The following RABGEF1 variants were observed in gnomAD, a reference collection of about 807,000 sequenced individuals.
RABGEF1 encodes RAB guanine nucleotide exchange factor 1.
In RABGEF1, 26 loss-of-function variants were observed where a neutral mutation model predicts 57.3. The ratio of observed to expected loss-of-function variants is 0.45; its 90% CI spans 0.33 to 0.63. The LOEUF (loss-of-function observed/expected upper bound fraction) is 0.63, where lower values mean the gene tolerates loss of function less well. Among genes scored for constraint, RABGEF1 ranks in the 20% least tolerant of loss-of-function variants. The pLI, the probability that RABGEF1 is intolerant of heterozygous loss-of-function variation, is 0.02. For missense variants in RABGEF1, 464 were observed against 607.6 expected (o/e 0.76, Z 2.48); for synonymous variants, 185 against 210.7 (o/e 0.88, Z 1.06).
At chr7:66,710,750 A>G (rs1041160128) in intron 1 of RABGEF1, among the ~76,000 whole-genome samples, 6 of 152,170 alleles carry the variant, frequency 3.9e-5, no homozygotes, top group Non-Finnish European at 7.4e-5. Flanking sequence ...GTTGAGTTTT[A>G]ATAATTCTTT....
chr7:66,771,257 G>T (rs1807052379), intron 1 of RABGEF1, among the ~76,000 whole-genome samples: 3 of 152,072 alleles, frequency 2.0e-5, no homozygotes, highest in Non-Finnish European at 4.4e-5. Flanking sequence ...TCCTGCCTCA[G>T]CCTCCTGAAT....
At chr7:66,758,711 G>T (rs765147836) in intron 1 of RABGEF1, among the ~76,000 whole-genome samples, 1 of 152,176 alleles carries the variant, frequency 6.6e-6, no homozygotes, top group African/African-American at 2.4e-5. Context: ...TACCGTAACA[G>T]CTGTCACCAC....
At chr7:66,676,776 T>A in the RABGEF1 span, among the ~76,000 whole-genome samples, 1 of 152,228 alleles carries the variant, frequency 6.6e-6, no homozygotes, top group Non-Finnish European at 1.5e-5. Flanking sequence ...ATGGAGGGGG[T>A]TCTCACTATG....
intron 7 of RABGEF1, among the ~76,000 whole-genome samples, chr7:66,800,916 C>T (rs1388250831): frequency 6.6e-6 from 1 of 152,166 alleles, no homozygotes; most frequent in African/African-American, 2.4e-5. Flanking sequence ...TAGCTGTGTT[C>T]CATGAATAGT....
At chr7:66,692,686 G>A (rs1382236498) in intron 1 of RABGEF1, among the ~76,000 whole-genome samples, 3 of 84,528 alleles carry the variant, frequency 3.5e-5, no homozygotes, top group Admixed American at 1.3e-4. Flanking sequence ...TTCCCCACCC[G>A]CCTCCCACCT....
the RABGEF1 span, among the ~76,000 whole-genome samples, chr7:66,662,267 G>T: frequency 6.6e-6 from 1 of 150,734 alleles, no homozygotes. Context: ...TTGAGTTCAA[G>T]ACCAGCCTGT....
chr7:66,671,912 G>A, the RABGEF1 span, among the ~76,000 whole-genome samples: 2 of 151,242 alleles, frequency 1.3e-5, no homozygotes, highest in East Asian at 3.9e-4. Context: ...GACCTCCGAG[G>A]TGCAAGCAAT....
the RABGEF1 span, among the ~76,000 whole-genome samples, chr7:66,659,444 T>TC: frequency 7.2e-6 from 1 of 138,224 alleles, no homozygotes; most frequent in Non-Finnish European, 1.5e-5. Flanking sequence ...AGAGTGAGAC[T>TC]CCATCTCAAA....
intron 1 of RABGEF1, among the ~76,000 whole-genome samples, chr7:66,702,347 TTGTGTGTGTGTG>T (rs58655312): frequency 3.1e-4 from 45 of 143,926 alleles, no homozygotes; most frequent in Admixed American, 4.2e-4. Flanking sequence ...ATTGTTTTGT[TTGTGTGTGTGTG>T]TGTGTGTGTG....
chr7:66,758,824 G>A (rs966997295), intron 1 of RABGEF1, among the ~76,000 whole-genome samples: 4 of 152,110 alleles, frequency 2.6e-5, no homozygotes, highest in African/African-American at 7.2e-5. Context: ...TGTTTAACTG[G>A]TACACATTAG....
chr7:66,717,524 G>A (rs2117466289), intron 2 of RABGEF1, among the ~76,000 whole-genome samples: 1 of 151,944 alleles, frequency 6.6e-6, no homozygotes, highest in East Asian at 2.0e-4. Context: ...TTGGGAGGCC[G>A]AGGCAGTGGA....
chr7:66,795,732 G>A, intron 5 of RABGEF1, 140 bp downstream of exon 5: 1 of 773,888 alleles, frequency 1.3e-6, no homozygotes, highest in Non-Finnish European at 2.2e-6. Context: ...CTGGGAACTG[G>A]TCTTATACTT....
upstream of RABGEF1, chr7:66,739,731 T>C (rs1798526631): frequency 1.3e-5 from 2 of 151,522 alleles, no homozygotes; most frequent in African/African-American, 4.9e-5. Flanking sequence ...CAGCGACAAT[T>C]AGCAAAGCTG....
the RABGEF1 span, among the ~76,000 whole-genome samples, chr7:66,661,067 T>G: frequency 6.6e-6 from 1 of 152,008 alleles, no homozygotes; most frequent in Non-Finnish European, 1.5e-5. Flanking sequence ...CCCAGCACTT[T>G]GGGAGGCCAA....
chr7:66,727,275 A>T (rs1408656511), intron 2 of RABGEF1, among the ~76,000 whole-genome samples: 1 of 152,176 alleles, frequency 6.6e-6, no homozygotes, highest in East Asian at 1.9e-4. Context: ...TTGCCAGTGG[A>T]GCTGGCCCTG....
At chr7:66,795,302 A>G (rs2055682) in intron 4 of RABGEF1, among the ~76,000 whole-genome samples, 93,704 of 152,032 alleles carry the variant, frequency 0.62, 29,555 homozygotes, top group African/African-American at 0.74. Context: ...TCCCGTCTTT[A>G]GCTGAACTAA....
At chr7:66,664,077 G>GAAAAAAAAAA in the RABGEF1 span, among the ~76,000 whole-genome samples, 1 of 77,874 alleles carries the variant, frequency 1.3e-5, no homozygotes, top group Non-Finnish European at 2.8e-5. Context: ...GTCTCAAAAA[G>GAAAAAAAAAA]AAAAAAAAAA....
the RABGEF1 span, among the ~76,000 whole-genome samples, chr7:66,674,000 C>T: frequency 6.6e-6 from 1 of 152,320 alleles, no homozygotes; most frequent in East Asian, 1.9e-4. Flanking sequence ...TATGGTTAGG[C>T]ATTTTACCTG....
chr7:66,657,705 C>G, the RABGEF1 span, among the ~76,000 whole-genome samples: 1 of 152,102 alleles, frequency 6.6e-6, no homozygotes, highest in Admixed American at 6.6e-5. Context: ...CCTGTAATCC[C>G]AGCTACTTGG....
Sources: gnomAD v4.1 joint callset for allele counts (sites outside exome capture counted in the v4.1 genomes callset) on GRCh38, gnomAD v4.1.1 for gene constraint, MANE v1.5 for transcripts, NCBI Gene and HGNC (gene_info 2026-07-23, HGNC 2026-07-21) for gene names.